The following MCCC1 variants were observed in gnomAD, a reference collection of about 807,000 sequenced individuals.
MCCC1 encodes methylcrotonoyl-CoA carboxylase subunit alpha, mitochondrial.
A neutral mutation model predicts 83.8 loss-of-function variants in MCCC1; 64 were observed. The ratio of observed to expected loss-of-function variants is 0.76; its 90% confidence interval spans 0.62 to 0.94. MCCC1 has a LOEUF of 0.94. Ranked by LOEUF, MCCC1 falls within the 40% of genes least tolerant of loss-of-function variation. The probability of loss-of-function intolerance (pLI) is 0.00; values close to 1 mark genes in which losing one functional copy is unlikely to be tolerated. For synonymous variants in MCCC1, 322 were observed against 315.4 expected, an observed-to-expected ratio of 1.02 and a Z score of -0.22; for missense variants, 807 against 904.7, an observed-to-expected ratio of 0.89 and a Z score of 1.39.
chr3:183,113,622 A>G (rs1418251876), intron 1 of MCCC1, among the ~76,000 whole-genome samples: 2 of 151,848 alleles, frequency 1.3e-5, no homozygotes, highest in Non-Finnish European at 2.9e-5. Context: ...AGGTTCCCTT[A>G]AGTCCAGGAG....
chr3:183,045,457 T>C lies in MCCC1; in HGVS notation c.1039A>G (p.Thr347Ala). 6.2e-7 allele frequency: 1 copy of C among 1,614,156 alleles called. No individual in the cohort carries two copies. The highest frequency in any genetic ancestry group is 8.5e-7 in the Non-Finnish European group (1 of 1,179,988). The change falls in exon 10 of 19, where the codon ACT (threonine) becomes GCT (alanine). Residue 347 changes from threonine to alanine, a missense_variant. Transcript: ENST00000265594. ...NTRLQVEHPV[T>A]EMITGTDLVE... ...AAGTCAGTTCCTGTGATCATCTCAGTAACAGGATGTTCCACTTGCAGCCTT... is the reference window on the plus strand; with the variant it reads ...AAGTCAGTTCCTGTGATCATCTCAGCAACAGGATGTTCCACTTGCAGCCTT...
At chr3:183,040,844 T>C (rs890013526) in intron 11 of MCCC1, among the ~76,000 whole-genome samples, 2 of 152,194 alleles carry the variant, frequency 1.3e-5, no homozygotes, top group Non-Finnish European at 2.9e-5. Context: ...TTCCAGCAAT[T>C]GAAATTAAGA....
At chr3:183,110,410 TTG>T (rs1186017741) in intron 1 of MCCC1, among the ~76,000 whole-genome samples, 23 of 149,988 alleles carry the variant, frequency 1.5e-4, no homozygotes, top group South Asian at 6.3e-4. Flanking sequence ...TTTTTTTTTT[TTG>T]AGACAGAGTC....
Position 183,041,610 on chromosome 3 carries a change from A to T in MCCC1, c.1224T>A (p.Pro408=). The part of the protein sequence containing the change: ...VAGPLVHLST[P]RADPSTRIET... Reference sequence around the variant, plus strand: ...CAATCCTGGTGGAAGGGTCTGCTCGAGGAGTAGAGAGGTGCACTAATGGGC... The same window carrying T: ...CAATCCTGGTGGAAGGGTCTGCTCGTGGAGTAGAGAGGTGCACTAATGGGC... The change falls in exon 11 of 19, where the codon CCT becomes CCA. Residue 408 remains proline, a synonymous_variant. Coordinates refer to ENST00000265594, the MANE Select transcript of MCCC1 (RefSeq NM_020166.5). 6.2e-7 allele frequency: 1 copy of T among 1,614,134 alleles called. No individual in the cohort carries two copies. Among genetic ancestry groups the T allele is most frequent in the Non-Finnish European group, 8.5e-7 (1 of 1,179,994 alleles).
At chr3:183,056,826 C>A (rs139451365) in intron 8 of MCCC1, among the ~76,000 whole-genome samples, 1 of 152,174 alleles carries the variant, frequency 6.6e-6, no homozygotes, top group African/African-American at 2.4e-5. Flanking sequence ...ACCCAAGTAG[C>A]TGGGATTATA....
chr3:183,090,201 G>C (rs1372791461), intron 3 of MCCC1, among the ~76,000 whole-genome samples: 1 of 152,144 alleles, frequency 6.6e-6, no homozygotes, highest in East Asian at 1.9e-4. Context: ...AATGCCATGA[G>C]AAGAATTTAT....
chr3:183,035,709 C>A (rs1713519745), intron 13 of MCCC1, among the ~76,000 whole-genome samples: 3 of 151,706 alleles, frequency 2.0e-5, no homozygotes, highest in Admixed American at 2.0e-4. Flanking sequence ...ATAATAATTA[C>A]CAATAAAAGA....
chr3:183,059,052 A>G (rs1400759474), intron 7 of MCCC1, among the ~76,000 whole-genome samples: 2 of 152,352 alleles, frequency 1.3e-5, no homozygotes, highest in Admixed American at 6.5e-5. Flanking sequence ...GCACACCTGT[A>G]ATCCCAGCAC....
At position 183,038,738 on chromosome 3, in the gene MCCC1, G is replaced by T. The variant is rs1319230353; in HGVS notation, c.1377+288C>A. Among the ~76,000 whole-genome samples, 6 of 152,254 alleles carry T rather than the reference G, an allele frequency of 3.9e-5. No homozygotes were observed. The South Asian group carries it at 8.3e-4, about 21-fold the overall frequency. On this transcript the variant is annotated intron_variant, in intron 12 of 18. Coordinates refer to ENST00000265594, the MANE Select transcript of MCCC1 (RefSeq NM_020166.5). ...TAGGAAAAATAAAAAACCTACGAAG[G>T]TACCATGTATAGCTGGCCTTATCTA...
intron 3 of MCCC1, among the ~76,000 whole-genome samples, chr3:183,088,364 G>A (rs150648311): frequency 2.0e-5 from 3 of 152,038 alleles, no homozygotes; most frequent in South Asian, 2.1e-4. Context: ...ACACAATCAC[G>A]CCCAGCTAAT....
At chr3:183,062,561 C>T (rs1715924184) in intron 7 of MCCC1, among the ~76,000 whole-genome samples, 1 of 152,024 alleles carries the variant, frequency 6.6e-6, no homozygotes, top group Non-Finnish European at 1.5e-5. Flanking sequence ...CACCGTGTTG[C>T]CCAGGCTGGT....
intron 8 of MCCC1, among the ~76,000 whole-genome samples, chr3:183,054,235 G>GAGTGC (rs1715237498): frequency 6.7e-6 from 1 of 150,326 alleles, no homozygotes; most frequent in Non-Finnish European, 1.5e-5. Context: ...GCCCAGGCTG[G>GAGTGC]AGTGCAGTGG....
At chr3:183,102,776 T>TG (rs1719337163), upstream of MCCC1, among the ~76,000 whole-genome samples, 1 of 96,940 alleles carries the variant, frequency 1.0e-5, no homozygotes, top group South Asian at 4.3e-4. Flanking sequence ...TTTTTTTTTT[T>TG]TTTTTTTTTT....
At chr3:183,103,271 T>G (rs535491296), upstream of MCCC1, among the ~76,000 whole-genome samples, 1 of 151,702 alleles carries the variant, frequency 6.6e-6, no homozygotes, top group Non-Finnish European at 1.5e-5. Flanking sequence ...GCTTCCACAG[T>G]GTGGAAGCAG....
chr3:183,072,295 G>C (rs932397668), intron 5 of MCCC1, 71 bp downstream of exon 5: 1 of 1,552,290 alleles, frequency 6.4e-7, no homozygotes, highest in Non-Finnish European at 8.9e-7. Context: ...TACAGGCATA[G>C]CCACATGCCT....
chr3:183,096,335 CAA>C (rs1013597616), intron 1 of MCCC1, among the ~76,000 whole-genome samples: 1 of 145,154 alleles, frequency 6.9e-6, no homozygotes. Context: ...GACTCCATCT[CAA>C]AAAAAAAAAT....
chr3:183,036,920 G>A (rs192903142), intron 13 of MCCC1, among the ~76,000 whole-genome samples: 1 of 152,146 alleles, frequency 6.6e-6, no homozygotes, highest in Non-Finnish European at 1.5e-5. Flanking sequence ...TGATCCAGCC[G>A]CCCTGGCCTC....
chr3:183,086,440 C>A (rs751223835), intron 4 of MCCC1, among the ~76,000 whole-genome samples: 14 of 152,140 alleles, frequency 9.2e-5, no homozygotes, highest in Non-Finnish European at 1.8e-4. Flanking sequence ...GAGCTGAATT[C>A]TCTCCTAATT....
At chr3:183,054,105 G>C (rs1460395750) in intron 8 of MCCC1, among the ~76,000 whole-genome samples, 1 of 150,622 alleles carries the variant, frequency 6.6e-6, no homozygotes, top group Non-Finnish European at 1.5e-5. Context: ...TGGTCTCGAA[G>C]TCCTGATCTC....
Sources: gnomAD v4.1 joint callset for allele counts (sites outside exome capture counted in the v4.1 genomes callset) on GRCh38, gnomAD v4.1.1 for gene constraint, MANE v1.5 for transcripts, NCBI Gene and HGNC (gene_info 2026-07-23, HGNC 2026-07-21) for gene names.